The following RNF220 variants were observed in gnomAD, a reference collection of about 807,000 sequenced individuals.
The protein encoded by RNF220 is E3 ubiquitin-protein ligase RNF220.
In RNF220, 7 loss-of-function variants were observed where a neutral mutation model predicts 67.1. The ratio of observed to expected loss-of-function variants is 0.10; its 90% CI spans 0.06 to 0.20. The LOEUF is 0.20. RNF220 is among the 10% of genes least tolerant of loss of function. The pLI, the probability that RNF220 is intolerant of heterozygous loss-of-function variation, is 1.00. For missense variants in RNF220, 565 were observed against 740.3 expected (o/e 0.76, Z 2.75); for synonymous variants, 270 against 283.2 (o/e 0.95, Z 0.47).
intron 2 of RNF220, among the ~76,000 whole-genome samples, chr1:44,610,980 T>C (rs1643276422): frequency 6.6e-6 from 1 of 152,196 alleles, no homozygotes; most frequent in Admixed American, 6.5e-5. Context: ...CTGGGAATTA[T>C]GCAAACGCGG....
chr1:44,428,863 T>C (rs529207070), intron 2 of RNF220, among the ~76,000 whole-genome samples: 1 of 152,202 alleles, frequency 6.6e-6, no homozygotes, highest in East Asian at 1.9e-4. Context: ...GGATAAGAAG[T>C]TGGGGTCGGG....
intron 2 of RNF220, among the ~76,000 whole-genome samples, chr1:44,605,693 A>T (rs2148408771): frequency 6.6e-6 from 1 of 152,312 alleles, no homozygotes; most frequent in Non-Finnish European, 1.5e-5. Context: ...CACCCAATAC[A>T]GTCTGGAGGA....
chr1:44,589,878 G>C (rs1409740165), intron 2 of RNF220, among the ~76,000 whole-genome samples: 1 of 152,206 alleles, frequency 6.6e-6, no homozygotes, highest in Non-Finnish European at 1.5e-5. Context: ...GGTGCTCGTG[G>C]TCTGGGGGTA....
intron 2 of RNF220, among the ~76,000 whole-genome samples, chr1:44,498,180 C>G (rs989203244): frequency 6.6e-6 from 1 of 151,654 alleles, no homozygotes. Context: ...ATTCATCCTT[C>G]CAATCTACAC....
At chr1:44,556,675 T>C (rs12079018) in intron 2 of RNF220, among the ~76,000 whole-genome samples, 3,913 of 151,664 alleles carry the variant, frequency 0.026, 151 homozygotes, top group East Asian at 0.13. Flanking sequence ...TTCTCCTGCC[T>C]CAGTCTCCCT....
At position 44,632,091 on chromosome 1, in the gene RNF220, G is replaced by A. The variant is rs1282014023; in HGVS notation, c.907-252G>A. The A allele has an allele frequency of 2.2e-6, 3 of 1,354,516 alleles. No individual in the cohort carries two copies. The African/African-American group carries it at 4.5e-5, about 21-fold the overall frequency. 83.9% of individuals were successfully genotyped at this position (1,354,516 alleles called of 1,614,324 possible). ...CGGCCGTGGGGCCCAGAGCGCCGGAGGCCAGGGCTGGGGCGGCACCGCGCA... is the reference window on the plus strand; with the variant it reads ...CGGCCGTGGGGCCCAGAGCGCCGGAAGCCAGGGCTGGGGCGGCACCGCGCA... On this transcript the variant is annotated intron_variant, in intron 5 of 14. Transcript: ENST00000361799.
In RNF220 at chr1:44,443,581, C is replaced by G. The variant is rs543704728; in HGVS notation, c.625+30859C>G. Among the ~76,000 whole-genome samples, 52 of 152,356 alleles carry G rather than the reference C, an allele frequency of 3.4e-4. 1 individual carries two copies. In the South Asian group the frequency reaches 0.011, roughly 31 times the overall value. On this transcript the variant is annotated intron_variant, in intron 2 of 14. Coordinates refer to ENST00000361799, the MANE Select transcript of RNF220 (RefSeq NM_018150.4). ...AAAAGCCCACAAGTCTTCAGCCTCC[C>G]GTTCCAGGCTCTTTTCTCACCATTC... is the stretch of plus-strand genomic sequence containing the variant.
At chr1:44,532,250 G>T (rs953200893) in intron 2 of RNF220, among the ~76,000 whole-genome samples, 1 of 152,136 alleles carries the variant, frequency 6.6e-6, no homozygotes, top group Non-Finnish European at 1.5e-5. Flanking sequence ...TTATGAATGC[G>T]GCTGGAAGTC....
intron 2 of RNF220, among the ~76,000 whole-genome samples, chr1:44,461,462 T>TAA (rs1190550686): frequency 6.6e-6 from 1 of 152,198 alleles, no homozygotes; most frequent in Non-Finnish European, 1.5e-5. Flanking sequence ...GGAGTGGCTG[T>TAA]GGATGTTTTG....
At chr1:44,611,918 G>T (rs1643328966) in intron 2 of RNF220, among the ~76,000 whole-genome samples, 1 of 152,214 alleles carries the variant, frequency 6.6e-6, no homozygotes, top group African/African-American at 2.4e-5. Flanking sequence ...AATTGCCCTA[G>T]CTGTAAATAA....
At chr1:44,534,305 C>CTAT (rs974698793) in intron 2 of RNF220, among the ~76,000 whole-genome samples, 2 of 150,980 alleles carry the variant, frequency 1.3e-5, no homozygotes, top group Non-Finnish European at 2.9e-5. Context: ...TTTTACATTT[C>CTAT]TATTATTATT....
chr1:44,649,485 G>A lies in RNF220; in HGVS notation c.1446-176G>A. ...ATGGGAATGGAGGAATAGAGAGGGT[G>A]AGGAGTTTAGTTCTGGAATGTGGAA... On this transcript the variant is annotated intron_variant, in intron 12 of 14. Coordinates refer to ENST00000361799, the MANE Select transcript of RNF220 (RefSeq NM_018150.4). This position sits in a 1 kb window ranked among gnomAD's most constrained non-coding sequence, Gnocchi z 5.9. The A allele has an allele frequency of 1.6e-6, 1 of 621,488 alleles. No individual in the cohort carries two copies. The highest frequency in any genetic ancestry group is 2.7e-5 in the East Asian group (1 of 36,990). 38.5% of individuals were successfully genotyped at this position (621,488 alleles called of 1,614,324 possible).
intron 2 of RNF220, among the ~76,000 whole-genome samples, chr1:44,516,297 A>G (rs370059237): frequency 2.0e-5 from 3 of 152,232 alleles, no homozygotes; most frequent in African/African-American, 4.8e-5. Flanking sequence ...AAGTGCTAAG[A>G]TAGATGTAAG....
At chr1:44,517,061 C>T (rs1049807152) in intron 2 of RNF220, among the ~76,000 whole-genome samples, 6 of 152,148 alleles carry the variant, frequency 3.9e-5, no homozygotes, top group Non-Finnish European at 7.3e-5. Flanking sequence ...CTCAGTCTAC[C>T]TCTAAATCCT....
intron 2 of RNF220, among the ~76,000 whole-genome samples, chr1:44,504,452 C>T (rs758162021): frequency 3.3e-5 from 5 of 152,156 alleles, no homozygotes; most frequent in Non-Finnish European, 7.3e-5. Context: ...CCCCTGTGCT[C>T]ATATTCAGAG....
In RNF220 at chr1:44,622,685, G is replaced by T; in HGVS notation, c.759-57G>T. ...TTTGGGGTCTTCTTGCTACTCTACC[G>T]TTGCATGCCCTGGGCAGCAGGTAGA... is the stretch of plus-strand genomic sequence containing the variant. On this transcript the variant is annotated intron_variant, in intron 3 of 14. Transcript: ENST00000361799. The surrounding 1 kb of genome is among the most constrained non-coding windows in gnomAD (Gnocchi z 4.3). 6 of 1,506,816 alleles carry T rather than the reference G, an allele frequency of 4.0e-6. No individual in the cohort carries two copies. The highest frequency in any genetic ancestry group is 4.6e-6 in the Non-Finnish European group (5 of 1,082,610). 93.3% of individuals were successfully genotyped at this position (1,506,816 alleles called of 1,614,324 possible). A position where few individuals can be genotyped will look rare whatever the true frequency, so the allele number is the denominator to read the frequency against.
At chr1:44,631,205 G>C (rs912035749) in intron 5 of RNF220, among the ~76,000 whole-genome samples, 8 of 152,242 alleles carry the variant, frequency 5.3e-5, no homozygotes, top group African/African-American at 1.7e-4. Flanking sequence ...CTTCACAAGC[G>C]ATGATAACGG....
In RNF220 at chr1:44,568,957, T is replaced by C. The variant is rs117816400; in HGVS notation, c.626-45208T>C. On this transcript the variant is annotated intron_variant, in intron 2 of 14. Coordinates refer to ENST00000361799, the MANE Select transcript of RNF220 (RefSeq NM_018150.4). ...TCAGCAAAGGAGCCTCGCTTTGGTC[T>C]TTTTGGCAGTGCAGTTTCTAAGCAG... Among the ~76,000 whole-genome samples, 27 of 152,328 alleles carry C rather than the reference T, an allele frequency of 1.8e-4. No individual in the cohort carries two copies. The East Asian group carries it at 4.6e-3, about 26-fold the overall frequency.
At chr1:44,625,029 GA>G (rs1643898304) in intron 4 of RNF220, among the ~76,000 whole-genome samples, 1 of 9,566 alleles carries the variant, frequency 1.0e-4, no homozygotes, top group Admixed American at 1.1e-3. Context: ...GAGAGAATGA[GA>G]GAGAGAGAGA....
Sources: allele counts gnomAD v4.1 joint callset (sites outside exome capture counted in the v4.1 genomes callset), GRCh38; gene constraint gnomAD v4.1.1; non-coding constraint Gnocchi (gnomAD v3.1); transcripts MANE v1.5; gene names NCBI Gene and HGNC (gene_info 2026-07-23, HGNC 2026-07-21).